PHF14: variants seen among roughly 807,000 people sequenced by gnomAD.
The protein encoded by PHF14 is PHD finger protein 14.
A neutral mutation model predicts 117.9 loss-of-function variants in PHF14; 55 were observed. That is an observed-to-expected ratio of 0.47 (90% CI 0.38 to 0.58). The LOEUF (loss-of-function observed/expected upper bound fraction) is 0.58, where lower values mean the gene tolerates loss of function less well. PHF14 is among the 20% of genes least tolerant of loss of function. PHF14 has a pLI of 0.00. For synonymous variants in PHF14, 409 were observed against 368.6 expected, an observed-to-expected ratio of 1.11 and a Z score of -1.26; for missense variants, 978 against 1,122.2, an observed-to-expected ratio of 0.87 and a Z score of 1.84.
At chr7:11,155,829 A>G (rs532173619) in intron 17 of PHF14, among the ~76,000 whole-genome samples, 9 of 152,196 alleles carry the variant, frequency 5.9e-5, no homozygotes, top group East Asian at 3.9e-4. Flanking sequence ...TTGATGTTCA[A>G]TCAGGAAGGA....
intron 13 of PHF14, among the ~76,000 whole-genome samples, chr7:11,048,923 A>G (rs995869353): frequency 4.6e-5 from 7 of 152,134 alleles, no homozygotes; most frequent in African/African-American, 1.7e-4. Context: ...AGGGTGTAAC[A>G]TTTCTATTTT....
Position 10,974,062 on chromosome 7 carries a change from G to A in PHF14, c.-262G>A. 4 of 455,758 alleles carry A rather than the reference G, an allele frequency of 8.8e-6. No individual in the cohort carries two copies. The highest frequency in any genetic ancestry group is 1.6e-5 in the Non-Finnish European group (4 of 252,062). The allele number at this position is 455,758 out of a possible 1,614,324, so 28.2% of individuals were successfully genotyped here. A position where few individuals can be genotyped will look rare whatever the true frequency, so the allele number is the denominator to read the frequency against. On this transcript the variant is annotated 5_prime_UTR_variant, in exon 1 of 18. Transcript: ENST00000634607. Reference sequence around the variant, plus strand: ...CCGGGGCCGCCGGGTTGACTGCGCTGCCTGGGCCGGAGGTCTTCTCCGGCC... The same window carrying A: ...CCGGGGCCGCCGGGTTGACTGCGCTACCTGGGCCGGAGGTCTTCTCCGGCC...
intron 11 of PHF14, among the ~76,000 whole-genome samples, chr7:11,039,683 A>G (rs1409808435): frequency 1.3e-5 from 2 of 152,180 alleles, no homozygotes; most frequent in Non-Finnish European, 2.9e-5. Flanking sequence ...CACACAGCTT[A>G]TTTAAATATT....
chr7:11,007,784 CT>C (rs895347428), intron 4 of PHF14, among the ~76,000 whole-genome samples: 1 of 151,708 alleles, frequency 6.6e-6, no homozygotes, highest in East Asian at 1.9e-4. Context: ...CTTTTATCTC[CT>C]TTTTTTTGAG....
At chr7:10,983,402 A>G (rs1210197721) in intron 3 of PHF14, among the ~76,000 whole-genome samples, 2 of 152,170 alleles carry the variant, frequency 1.3e-5, no homozygotes, top group Admixed American at 6.5e-5. Context: ...ATTTAGAGAA[A>G]TATTTTTATA....
chr7:10,990,824 ATTGTGGCAT>A lies in PHF14; in HGVS notation c.1024_1032del (p.Cys342_Ile344del), dbSNP rs1562564437. On this transcript the variant is annotated inframe_deletion, in exon 4 of 18. Coordinates refer to ENST00000634607, the MANE Select transcript of PHF14 (RefSeq NM_001007157.2). ...GCTGATGAAATAATTCAGTGTGACA[ATTGTGGCAT>A]TACAGTCCATGAAGGTAATGTTGCT... is the stretch of plus-strand genomic sequence containing the variant. The A allele has an allele frequency of 6.3e-7, 1 of 1,590,750 alleles. No homozygotes were observed. Among genetic ancestry groups the A allele is most frequent in the Non-Finnish European group, 8.6e-7 (1 of 1,166,910 alleles).
intron 16 of PHF14, among the ~76,000 whole-genome samples, chr7:11,084,073 C>A (rs964902723): frequency 2.0e-5 from 3 of 152,164 alleles, no homozygotes; most frequent in Non-Finnish European, 2.9e-5. Flanking sequence ...ACTATTTTTA[C>A]AAGCATTACT....
Position 11,169,480 on chromosome 7 carries a change from C to G in PHF14, c.2837C>G (p.Pro946Arg), listed in dbSNP as rs1478415596. Residue 946 changes from proline (P) to arginine (R), a missense_variant, in exon 18 of 18, where the codon CCA (proline) becomes CGA (arginine). Coordinates refer to ENST00000634607, the MANE Select transcript of PHF14 (RefSeq NM_001007157.2). The part of the protein sequence containing the change: ...SQELNMEQKN[P>R]KK ...GAGCTCAACATGGAACAGAAAAATC[C>G]AAAGAAATAAAAGATTTTCTGTAGT... The G allele has an allele frequency of 2.0e-6, 3 of 1,468,006 alleles. No individual in the cohort carries two copies. Among genetic ancestry groups the G allele is most frequent in the Non-Finnish European group, 2.8e-6 (3 of 1,087,974 alleles). 90.9% of individuals were successfully genotyped at this position (1,468,006 alleles called of 1,614,324 possible). A position where few individuals can be genotyped will look rare whatever the true frequency, so the allele number is the denominator to read the frequency against.
intron 7 of PHF14, among the ~76,000 whole-genome samples, chr7:11,029,546 C>T (rs944181541): frequency 2.6e-5 from 4 of 152,074 alleles, no homozygotes; most frequent in African/African-American, 9.7e-5. Flanking sequence ...GTGCCACTCT[C>T]CTCACTCAAT....
chr7:11,130,000 A>G (rs77978955), intron 17 of PHF14, among the ~76,000 whole-genome samples: 10,738 of 152,070 alleles, frequency 0.071, 386 homozygotes, highest in Middle Eastern at 0.088. Flanking sequence ...TAAGTTATGC[A>G]GCAAAAAAAA....
chr7:11,130,359 GGAGA>G lies in PHF14; in HGVS notation c.2772+18901_2772+18904del, dbSNP rs902332100. On this transcript the variant is annotated intron_variant, in intron 17 of 17. Coordinates refer to ENST00000634607, the MANE Select transcript of PHF14 (RefSeq NM_001007157.2). This position sits in a 1 kb window ranked among gnomAD's most constrained non-coding sequence, Gnocchi z 4.2. ...CATTCCAGGATTCAAGGAAATCCTT[GGAGA>G]GAGAGAGAACGTATATACAATTTAT... Among the ~76,000 whole-genome samples, 7 of 151,910 alleles carry G rather than the reference GGAGA, an allele frequency of 4.6e-5. No individual in the cohort carries two copies. Among genetic ancestry groups the G allele is most frequent in the Non-Finnish European group, 1.0e-4 (7 of 67,914 alleles).
chr7:11,004,265 A>AAAAAAAG (rs1554258590), intron 4 of PHF14, among the ~76,000 whole-genome samples: 1 of 149,264 alleles, frequency 6.7e-6, no homozygotes, highest in African/African-American at 2.4e-5. Context: ...AAAAAAAAAA[A>AAAAAAAG]AAAAGAAAAG....
intron 16 of PHF14, among the ~76,000 whole-genome samples, chr7:11,100,507 T>C (rs998388604): frequency 6.6e-6 from 1 of 151,944 alleles, no homozygotes; most frequent in African/African-American, 2.4e-5. Flanking sequence ...TTAAATGATA[T>C]TATGTAAATT....
chr7:11,059,028 T>G (rs958885317), intron 14 of PHF14, among the ~76,000 whole-genome samples: 4 of 152,192 alleles, frequency 2.6e-5, no homozygotes, highest in Admixed American at 1.3e-4. Context: ...TGGTAATAAA[T>G]GTACTTAAAG....
intron 14 of PHF14, among the ~76,000 whole-genome samples, chr7:11,054,759 C>T (rs1417371588): frequency 6.6e-6 from 1 of 152,116 alleles, no homozygotes; most frequent in Non-Finnish European, 1.5e-5. Flanking sequence ...TAAACTATTG[C>T]TCCCAATATC....
intron 4 of PHF14, 68 bp from the exon 5 acceptor site, chr7:11,013,679 C>G: frequency 1.2e-6 from 1 of 819,674 alleles, no homozygotes. Context: ...TATTCTTTTT[C>G]TTTTGTGATT....
intron 4 of PHF14, among the ~76,000 whole-genome samples, chr7:10,994,408 C>T (rs1782561385): frequency 6.6e-6 from 1 of 152,116 alleles, no homozygotes; most frequent in Admixed American, 6.5e-5. Flanking sequence ...CACTGCACTC[C>T]AGTCTGGGCA....
At chr7:11,149,373 A>T (rs778584859) in intron 17 of PHF14, among the ~76,000 whole-genome samples, 8 of 152,118 alleles carry the variant, frequency 5.3e-5, no homozygotes, top group Non-Finnish European at 1.2e-4. Flanking sequence ...AACTCTACCA[A>T]TTGGCTATGG....
chr7:11,169,323 C>CAT, intron 17 of PHF14, 93 bp from the exon 18 acceptor site: 1 of 591,662 alleles, frequency 1.7e-6, no homozygotes, highest in Non-Finnish European at 3.0e-6. Context: ...CACAGTAGTT[C>CAT]ATAGTTCTAC....
Sources: gnomAD v4.1 joint callset for allele counts (sites outside exome capture counted in the v4.1 genomes callset) on GRCh38, gnomAD v4.1.1 for gene constraint, Gnocchi (gnomAD v3.1) non-coding constraint, MANE v1.5 for transcripts, NCBI Gene and HGNC (gene_info 2026-07-23, HGNC 2026-07-21) for gene names.